The following EXOC4 variants were observed in gnomAD, a reference collection of about 807,000 sequenced individuals.
The protein encoded by EXOC4 is SEC8-like 1.
EXOC4 carries 71 observed loss-of-function variants against 107.2 expected under a neutral mutation model. The observed-to-expected ratio is 0.66, with a 90% CI of 0.55 to 0.81. The LOEUF is 0.81. Among genes scored for constraint, EXOC4 ranks in the 30% least tolerant of loss-of-function variants. The probability of loss-of-function intolerance (pLI) is 0.00; values close to 1 mark genes in which losing one functional copy is unlikely to be tolerated. For synonymous variants in EXOC4, 456 were observed against 441.2 expected (o/e 1.03, Z -0.42); for missense variants, 1,108 against 1,189.6 (o/e 0.93, Z 1.01).
At chr7:133,577,896 C>G (rs1329962065) in intron 9 of EXOC4, among the ~76,000 whole-genome samples, 1 of 152,120 alleles carries the variant, frequency 6.6e-6, no homozygotes, top group Non-Finnish European at 1.5e-5. Context: ...ATGGATCCAT[C>G]TGGCTTATTT....
chr7:133,586,838 GTTTGT>G (rs1801416868), intron 9 of EXOC4, among the ~76,000 whole-genome samples: 1 of 151,472 alleles, frequency 6.6e-6, no homozygotes, highest in Non-Finnish European at 1.5e-5. Context: ...CATTTTTTTT[GTTTGT>G]TTTTTGAGGC....
intron 10 of EXOC4, among the ~76,000 whole-genome samples, chr7:133,779,496 A>G (rs377278037): frequency 6.6e-6 from 1 of 152,232 alleles, no homozygotes; most frequent in East Asian, 1.9e-4. Context: ...GGACATTTCA[A>G]TTATTGAGTT....
chr7:133,591,829 T>C (rs1256444687), intron 9 of EXOC4, among the ~76,000 whole-genome samples: 1 of 152,158 alleles, frequency 6.6e-6, no homozygotes, highest in Non-Finnish European at 1.5e-5. Context: ...TTAAAAACAC[T>C]TTCATTTTCT....
At chr7:133,924,686 T>C (rs1490278777) in intron 13 of EXOC4, among the ~76,000 whole-genome samples, 2 of 152,206 alleles carry the variant, frequency 1.3e-5, no homozygotes, top group African/African-American at 4.8e-5. Flanking sequence ...GATCAAAATA[T>C]ACAATTTTTC....
At chr7:134,018,660 AT>A (rs1171430172) in intron 17 of EXOC4, among the ~76,000 whole-genome samples, 1 of 151,824 alleles carries the variant, frequency 6.6e-6, no homozygotes, top group African/African-American at 2.4e-5. Flanking sequence ...TTAATACCTC[AT>A]TATGTGCTAT....
At chr7:133,636,417 TA>T (rs1802712931) in intron 10 of EXOC4, among the ~76,000 whole-genome samples, 2 of 152,318 alleles carry the variant, frequency 1.3e-5, no homozygotes, top group South Asian at 2.1e-4. Flanking sequence ...TTTTGAAATT[TA>T]AAAGTTTATG....
the EXOC4 span, among the ~76,000 whole-genome samples, chr7:134,090,064 A>C: frequency 5.3e-5 from 8 of 152,258 alleles, no homozygotes; most frequent in African/African-American, 1.9e-4. Context: ...CTAAAGTCAC[A>C]TAATGTAAAA....
At chr7:133,566,649 A>C (rs1188980725) in intron 9 of EXOC4, among the ~76,000 whole-genome samples, 1 of 152,210 alleles carries the variant, frequency 6.6e-6, no homozygotes, top group African/African-American at 2.4e-5. Context: ...TTGGTCTACT[A>C]TACACTGCAG....
intron 12 of EXOC4, among the ~76,000 whole-genome samples, chr7:133,899,324 C>T (rs7798673): frequency 0.62 from 94,084 of 151,910 alleles, 31,547 homozygotes; most frequent in African/African-American, 0.89. Flanking sequence ...TAAGTTCTTG[C>T]AGCTTGGCAC....
At chr7:133,756,952 A>C (rs1330704855) in intron 10 of EXOC4, among the ~76,000 whole-genome samples, 2 of 152,216 alleles carry the variant, frequency 1.3e-5, no homozygotes, top group Non-Finnish European at 2.9e-5. Flanking sequence ...TTCTAGAATG[A>C]GAAGGGGAAA....
intron 5 of EXOC4, among the ~76,000 whole-genome samples, chr7:133,352,572 A>G (rs1795935675): frequency 6.6e-6 from 1 of 151,964 alleles, no homozygotes; most frequent in Non-Finnish European, 1.5e-5. Context: ...ATATAATTGG[A>G]TCATGAATTT....
At chr7:133,373,180 A>G (rs2150687026) in intron 6 of EXOC4, among the ~76,000 whole-genome samples, 1 of 152,244 alleles carries the variant, frequency 6.6e-6, no homozygotes, top group East Asian at 1.9e-4. Flanking sequence ...GCACCACATT[A>G]AGTGTTTCAG....
chr7:133,287,523 C>T (rs1794309400), intron 2 of EXOC4, among the ~76,000 whole-genome samples: 2 of 152,078 alleles, frequency 1.3e-5, no homozygotes, highest in African/African-American at 4.8e-5. Flanking sequence ...CCGTGTTAGC[C>T]AGGATGGTCT....
At chr7:133,977,477 A>G (rs1267677966) in intron 14 of EXOC4, among the ~76,000 whole-genome samples, 1 of 152,214 alleles carries the variant, frequency 6.6e-6, no homozygotes. Flanking sequence ...TATTATTTAT[A>G]TAGATTGTCC....
At chr7:133,971,962 G>A (rs755539272) in intron 14 of EXOC4, among the ~76,000 whole-genome samples, 1 of 152,130 alleles carries the variant, frequency 6.6e-6, no homozygotes. Context: ...GAATCCAGGG[G>A]TCTCAAGGAA....
intron 7 of EXOC4, among the ~76,000 whole-genome samples, chr7:133,419,832 G>A (rs1797560855): frequency 6.6e-6 from 1 of 152,084 alleles, no homozygotes; most frequent in Non-Finnish European, 1.5e-5. Context: ...TTATCTCACA[G>A]TCTCTGTGGG....
intron 12 of EXOC4, among the ~76,000 whole-genome samples, chr7:133,906,749 C>G (rs1211304475): frequency 8.5e-5 from 13 of 152,238 alleles, no homozygotes; most frequent in Admixed American, 8.5e-4. Context: ...CCAGATCCGG[C>G]AGGGTGTCCA....
At chr7:133,733,810 C>G (rs1795381778) in intron 10 of EXOC4, among the ~76,000 whole-genome samples, 1 of 152,150 alleles carries the variant, frequency 6.6e-6, no homozygotes, top group Non-Finnish European at 1.5e-5. Flanking sequence ...TCTATGGTAA[C>G]TTTCTCTTCA....
chr7:133,321,073 T>C (rs1401415871), intron 5 of EXOC4, among the ~76,000 whole-genome samples: 1 of 152,160 alleles, frequency 6.6e-6, no homozygotes, highest in Non-Finnish European at 1.5e-5. Flanking sequence ...GAGGGTGTAA[T>C]CCATTAGAAT....
Sources: allele counts gnomAD v4.1 joint callset (sites outside exome capture counted in the v4.1 genomes callset), GRCh38; gene constraint gnomAD v4.1.1; transcripts MANE v1.5; gene names NCBI Gene and HGNC (gene_info 2026-07-23, HGNC 2026-07-21).